Variants in AP3B2 observed in about 807,000 individuals in gnomAD.
The protein encoded by AP3B2 is adaptor related protein complex 3 subunit beta 2, also known as AP-3 complex subunit beta-2.
Under a neutral mutation model 126.9 loss-of-function variants are expected in AP3B2, and 50 were observed. That is an observed-to-expected ratio of 0.39 (90% confidence interval 0.31 to 0.50). The LOEUF (loss-of-function observed/expected upper bound fraction) is 0.50, where lower values mean the gene tolerates loss of function less well. AP3B2 is among the 20% of genes least tolerant of loss of function. The probability of loss-of-function intolerance (pLI) is 0.79; values close to 1 mark genes in which losing one functional copy is unlikely to be tolerated. For synonymous variants in AP3B2, 541 were observed against 565.0 expected, an observed-to-expected ratio of 0.96 and a Z score of 0.60; for missense variants, 1,177 against 1,426.4, an observed-to-expected ratio of 0.83 and a Z score of 2.82.
chr15:82,677,553 G>C, intron 12 of AP3B2, 118 bp downstream of exon 12: 1 of 1,420,476 alleles, frequency 7.0e-7, no homozygotes, highest in Non-Finnish European at 9.5e-7. Context: ...AAGACAGACA[G>C]ACCAATGGAT....
chr15:82,662,704 A>C lies in AP3B2; in HGVS notation c.2823T>G (p.Phe941Leu). 1 of 1,612,866 alleles carries C rather than the reference A, an allele frequency of 6.2e-7. No homozygotes were observed. The highest frequency in any genetic ancestry group is 8.5e-7 in the Non-Finnish European group (1 of 1,179,370). The change falls in exon 23 of 27, where the codon TTT becomes TTG. Residue 941 changes from phenylalanine to leucine, a missense_variant. Physicochemically the swap from Phe to Leu is conservative, Grantham distance 22 (BLOSUM62 0). Around this residue, in one of 5 missense-constraint regions of AP3B2, gnomAD observed 587 missense variants for 571.3 expected, o/e 1.03. Transcript: ENST00000535359. ...CAAAGCCCTTCGCACCAATTTCGGG[A>C]AATTCTTGGATGCTGATGCCAGCAG... ...KLPAGISIQE[F>L]PEIESLAPGE...
rs2048021616 is a variant in AP3B2 at position 82,664,750 on chromosome 15, A to C, written c.2137+85T>G. On this transcript the variant is annotated intron_variant, in intron 18 of 26. Transcript: ENST00000535359. This position sits in a 1 kb window ranked among gnomAD's most constrained non-coding sequence, Gnocchi z 4.5. Reference sequence around the variant, plus strand: ...AGCAGGTGCACACCCCTAGACACACAACCATATACATATACCCCTCATATA... The same window carrying C: ...AGCAGGTGCACACCCCTAGACACACCACCATATACATATACCCCTCATATA... 2.2e-5 allele frequency: 25 copies of C among 1,127,820 alleles called. No homozygotes were observed. The highest frequency in any genetic ancestry group is 5.1e-6 in the Non-Finnish European group (4 of 781,376). 69.9% of individuals were successfully genotyped at this position (1,127,820 alleles called of 1,614,324 possible).
Position 82,663,558 on chromosome 15 carries a change from A to T in AP3B2, c.2497+2T>A, listed in dbSNP as rs2047995152. ...CCTGTGACTTTTACCACCCAAACTC[A>T]CAATCCTCTAGATCAAGCAGGGAGA... On this transcript the variant is annotated splice_donor_variant, in intron 21 of 26. Transcript: ENST00000535359. LOFTEE classifies it high-confidence loss of function. 6.2e-7 allele frequency: 1 copy of T among 1,613,542 alleles called. No individual in the cohort carries two copies.
chr15:82,661,722 T>C (rs2047952548), intron 25 of AP3B2, 103 bp downstream of exon 25: 3 of 929,190 alleles, frequency 3.2e-6, no homozygotes, highest in South Asian at 3.1e-5. Flanking sequence ...TGCTGACCCC[T>C]GGTCTAGATG....
In AP3B2 at chr15:82,677,402, T is replaced by C. The variant is rs563117961; in HGVS notation, c.1379-19A>G. 27 of 1,606,424 alleles carry C rather than the reference T, an allele frequency of 1.7e-5. No homozygotes were observed. In the South Asian group the frequency reaches 1.9e-4, roughly 11 times the overall value. On this transcript the variant is annotated intron_variant, in intron 12 of 26. Coordinates refer to ENST00000535359, the MANE Select transcript of AP3B2 (RefSeq NM_001278512.2). ...ACAAGCTCTACAGAACAAAAATGAG[T>C]GTGTGGACCCCAAGACAGTCAGATG...
chr15:82,660,251 G>C (rs1012244492), intron 25 of AP3B2, among the ~76,000 whole-genome samples: 1 of 152,108 alleles, frequency 6.6e-6, no homozygotes, highest in Non-Finnish European at 1.5e-5. Flanking sequence ...TCCTCCATCA[G>C]ACATCTGGGC....
intron 15 of AP3B2, among the ~76,000 whole-genome samples, chr15:82,666,234 G>A (rs891119626): frequency 3.9e-5 from 6 of 152,252 alleles, no homozygotes; most frequent in African/African-American, 1.4e-4. Context: ...CAAGGCCGTT[G>A]TCTTGGGAAA....
At position 82,673,174 on chromosome 15, in the gene AP3B2, T is replaced by TA. The variant is rs1164505620; in HGVS notation, c.1665+3286dup. ...TAGCAGAAAACTAATACAATTGATT[T>TA]AAAAATGTGAAAGTAGAAAAAAATT... On this transcript the variant is annotated intron_variant, in intron 14 of 26. Coordinates refer to ENST00000535359, the MANE Select transcript of AP3B2 (RefSeq NM_001278512.2). Among the ~76,000 whole-genome samples the TA allele has an allele frequency of 2.6e-5, 4 of 152,360 alleles. No individual in the cohort carries two copies. In the South Asian group the frequency reaches 8.3e-4, roughly 32 times the overall value.
At chr15:82,688,270 C>G (rs895702833) in intron 4 of AP3B2, 2 of 614,004 alleles carry the variant, frequency 3.3e-6, no homozygotes, top group African/African-American at 1.8e-5. Flanking sequence ...ATACATGCAC[C>G]TAACATATGT....
At chr15:82,663,766 A>T in intron 20 of AP3B2, 35 bp downstream of exon 20, 1 of 1,602,610 alleles carries the variant, frequency 6.2e-7, no homozygotes, top group South Asian at 1.1e-5. Context: ...GCCCTGGCCC[A>T]TGAGCACACC....
rs773903189 is a variant in AP3B2, at chr15:82,680,685, C to T, written c.842G>A (p.Gly281Glu). The change falls in exon 8 of 27, where the codon GGG becomes GAG. Residue 281 changes from glycine (G) to glutamate (E), a missense_variant. Around this residue, in one of 5 missense-constraint regions of AP3B2, gnomAD observed 103 missense variants for 101.4 expected, o/e 1.02. Coordinates refer to ENST00000535359, the MANE Select transcript of AP3B2 (RefSeq NM_001278512.2). This position sits in a 1 kb window ranked among gnomAD's most constrained non-coding sequence, Gnocchi z 6.1. Reference sequence around the variant, plus strand: ...GGCCGCGGCGGCCGTCTCCTCAGACCCCGCGCCCTTGGCCTCGTCCTCCTC... The same window carrying T: ...GGCCGCGGCGGCCGTCTCCTCAGACTCCGCGCCCTTGGCCTCGTCCTCCTC... ...GSEEDEAKGA[G>E]SEETAAAAAP... 2.5e-6 allele frequency: 4 copies of T among 1,575,166 alleles called. No individual in the cohort carries two copies. The highest frequency in any genetic ancestry group is 1.1e-5 in the South Asian group (1 of 88,172).
chr15:82,689,206 T>C lies in AP3B2; in HGVS notation c.216A>G (p.Ser72=), dbSNP rs1209448474. Residue 72 remains serine, a synonymous_variant, in exon 3 of 27, where the codon TCA becomes TCG. Coordinates refer to ENST00000535359, the MANE Select transcript of AP3B2 (RefSeq NM_001278512.2). The part of the protein sequence containing the change: ...VAMIARGKNA[S]DLFPAVVKNV... The stretch of plus-strand genomic sequence containing the variant: ...TCTTCACCACCGCGGGAAACAGGTC[T>C]GAAGCATTCTTTCCTCGGGCAATCA... 3 of 1,613,818 alleles carry C rather than the reference T, an allele frequency of 1.9e-6. No homozygotes were observed. In the Admixed American group the frequency reaches 5.0e-5, roughly 27 times the overall value.
Position 82,688,817 on chromosome 15 carries a change from G to A in AP3B2, c.279C>T (p.Val93=), listed in dbSNP as rs747912746. The change falls in exon 4 of 27, where the codon GTC becomes GTT. Residue 93 remains valine, a synonymous_variant. Coordinates refer to ENST00000535359, the MANE Select transcript of AP3B2 (RefSeq NM_001278512.2). ...ACKNIEVKKL[V]YVYLVRYAEE... Reference sequence around the variant, plus strand: ...CAGCGTAGCGTACCAGGTACACATAGACAAGCTTCTTCACCTTGGGGAGAG... The same window carrying A: ...CAGCGTAGCGTACCAGGTACACATAAACAAGCTTCTTCACCTTGGGGAGAG... 6.2e-7 allele frequency: 1 copy of A among 1,611,988 alleles called. No individual in the cohort carries two copies. The highest frequency in any genetic ancestry group is 8.5e-7 in the Non-Finnish European group (1 of 1,179,074).
chr15:82,686,475 T>C (rs956371264), intron 4 of AP3B2: 3 of 152,344 alleles, frequency 2.0e-5, no homozygotes, highest in African/African-American at 7.2e-5. Context: ...TGCTTAACAA[T>C]ATGCAAATTA....
chr15:82,661,873 G>A lies in AP3B2; in HGVS notation c.2968C>T (p.Leu990=), dbSNP rs558558434. The change falls in exon 25 of 27, where the codon CTG becomes TTG. Residue 990 remains leucine (L), a synonymous_variant. Coordinates refer to ENST00000535359, the MANE Select transcript of AP3B2 (RefSeq NM_001278512.2). The part of the protein sequence containing the change: ...YVSIQPPVGE[L]MAPVFMSENE... Reference sequence around the variant, plus strand: ...TCACTCATGAACACAGGGGCCATCAGCTCCCCAACAGGTGGCTGAATGGAG... The same window carrying A: ...TCACTCATGAACACAGGGGCCATCAACTCCCCAACAGGTGGCTGAATGGAG... 1.5e-5 allele frequency: 24 copies of A among 1,613,870 alleles called. 1 individual carries two copies. The South Asian group carries it at 2.5e-4, about 17-fold the overall frequency.
intron 4 of AP3B2, chr15:82,687,276 G>A (rs2048444484): frequency 6.6e-6 from 1 of 152,190 alleles, no homozygotes; most frequent in South Asian, 2.1e-4. Flanking sequence ...ACTTGTCAAT[G>A]GCTGCATTTG....
chr15:82,666,633 A>G, intron 15 of AP3B2, 114 bp downstream of exon 15: 1 of 1,184,902 alleles, frequency 8.4e-7, no homozygotes, highest in Non-Finnish European at 1.2e-6. Flanking sequence ...AGGGAGCAGG[A>G]CTGTCCACAG....
chr15:82,659,791 C>T, intron 26 of AP3B2, 54 bp downstream of exon 26: 1 of 1,609,266 alleles, frequency 6.2e-7, no homozygotes, highest in Admixed American at 1.7e-5. Flanking sequence ...GGGGCTCCTC[C>T]TTCAAACCAG....
chr15:82,693,493 C>G (rs1479121122), intron 1 of AP3B2, among the ~76,000 whole-genome samples: 2 of 151,680 alleles, frequency 1.3e-5, no homozygotes, highest in Admixed American at 1.3e-4. Flanking sequence ...GTGATCTTCC[C>G]GCCTCATCCT....
Sources: gnomAD v4.1 joint callset for allele counts (sites outside exome capture counted in the v4.1 genomes callset) on GRCh38, gnomAD v4.1.1 for gene constraint, gnomAD v4.1.1 regional missense constraint, Gnocchi (gnomAD v3.1) non-coding constraint, MANE v1.5 for transcripts, NCBI Gene and HGNC (gene_info 2026-07-23, HGNC 2026-07-21) for gene names.